The following SSPN variants were observed in gnomAD, a reference collection of about 807,000 sequenced individuals.
The protein encoded by SSPN is sarcospan.
SSPN carries 15 observed loss-of-function variants against 19.1 expected under a neutral mutation model. The observed-to-expected ratio is 0.78, with a 90% CI of 0.52 to 1.21. The LOEUF (loss-of-function observed/expected upper bound fraction) is 1.21. SSPN is among the 50% of genes most tolerant of loss of function. SSPN has a pLI of 0.00. For missense variants in SSPN, 291 were observed against 314.0 expected (o/e 0.93, Z 0.55); for synonymous variants, 147 against 140.3 (o/e 1.05, Z -0.34).
intron 1 of SSPN, chr12:26,125,166 G>C: frequency 2.8e-6 from 1 of 359,312 alleles, no homozygotes; most frequent in Non-Finnish European, 5.3e-6. Flanking sequence ...GGGAGAAGGC[G>C]GCGAGAGAAG....
chr12:26,215,196 T>C (rs1945034014), intron 1 of SSPN, among the ~76,000 whole-genome samples: 1 of 152,140 alleles, frequency 6.6e-6, no homozygotes, highest in Non-Finnish European at 1.5e-5. Flanking sequence ...ATACCTAGAT[T>C]AGGGTGGCCA....
At chr12:26,125,259 A>G (rs1944354380) in intron 1 of SSPN, 2 of 216,746 alleles carry the variant, frequency 9.2e-6, no homozygotes, top group Non-Finnish European at 1.8e-5. Flanking sequence ...TCATCTTCCC[A>G]AAGGCGATGC....
At chr12:26,131,843 G>A (rs996794665) in intron 1 of SSPN, among the ~76,000 whole-genome samples, 1 of 152,222 alleles carries the variant, frequency 6.6e-6, no homozygotes, top group African/African-American at 2.4e-5. Flanking sequence ...CAGGCTCAGA[G>A]ACCTTAGGTA....
At chr12:26,165,336 G>A (rs1479025830) in intron 1 of SSPN, among the ~76,000 whole-genome samples, 2 of 152,130 alleles carry the variant, frequency 1.3e-5, no homozygotes, top group Non-Finnish European at 2.9e-5. Flanking sequence ...CAGAACTTCT[G>A]GTAAAATCTA....
At chr12:26,222,744 T>C (rs1003363888) in intron 1 of SSPN, among the ~76,000 whole-genome samples, 1 of 152,240 alleles carries the variant, frequency 6.6e-6, no homozygotes, top group East Asian at 1.9e-4. Flanking sequence ...GTCTAGTTCA[T>C]GAAAAATAAA....
At chr12:26,122,704 C>T (rs761341197) in intron 1 of SSPN, 6 of 1,579,404 alleles carry the variant, frequency 3.8e-6, no homozygotes, top group East Asian at 2.4e-5. Context: ...GAGTCCTCCC[C>T]GGGAGGCTCC....
At chr12:26,184,137 G>GA (rs1944737626) in intron 1 of SSPN, among the ~76,000 whole-genome samples, 2 of 152,190 alleles carry the variant, frequency 1.3e-5, no homozygotes, top group South Asian at 4.1e-4. Flanking sequence ...GTGTGGGGTG[G>GA]AAAATGGAAC....
intron 1 of SSPN, chr12:26,211,390 T>G (rs1944984400): frequency 6.6e-6 from 1 of 152,212 alleles, no homozygotes; most frequent in Non-Finnish European, 1.5e-5. Flanking sequence ...TTCTTGGTTT[T>G]CTGTAAATTG....
chr12:26,138,495 A>G (rs1944441427), intron 1 of SSPN, among the ~76,000 whole-genome samples: 1 of 152,234 alleles, frequency 6.6e-6, no homozygotes, highest in African/African-American at 2.4e-5. Flanking sequence ...GAAATATTCT[A>G]TAATCTGGCC....
chr12:26,155,056 A>G (rs1944547756), intron 1 of SSPN, among the ~76,000 whole-genome samples: 3 of 152,348 alleles, frequency 2.0e-5, no homozygotes, highest in South Asian at 4.1e-4. Flanking sequence ...GAGGACATCT[A>G]TTCTTTATTG....
chr12:26,158,988 C>T (rs1944572043), intron 1 of SSPN, among the ~76,000 whole-genome samples: 1 of 152,356 alleles, frequency 6.6e-6, no homozygotes, highest in East Asian at 1.9e-4. Flanking sequence ...TAGGTTAGGC[C>T]ATGCTCTCCT....
intron 1 of SSPN, among the ~76,000 whole-genome samples, chr12:26,201,916 T>A (rs1944889100): frequency 6.6e-6 from 1 of 152,222 alleles, no homozygotes; most frequent in Admixed American, 6.5e-5. Flanking sequence ...AGCTTCTGTT[T>A]GAACATGCAT....
intron 1 of SSPN, among the ~76,000 whole-genome samples, chr12:26,147,607 G>A (rs1251311236): frequency 6.6e-6 from 1 of 152,134 alleles, no homozygotes; most frequent in Non-Finnish European, 1.5e-5. Context: ...AGGCATGGAG[G>A]TATTTTTTGA....
chr12:26,139,651 C>A (rs1436824454), intron 1 of SSPN, among the ~76,000 whole-genome samples: 3 of 152,100 alleles, frequency 2.0e-5, no homozygotes, highest in Non-Finnish European at 4.4e-5. Flanking sequence ...GATGTAATAA[C>A]TAATCTGAAA....
At chr12:26,166,338 C>G (rs571376250) in intron 1 of SSPN, among the ~76,000 whole-genome samples, 177 of 152,302 alleles carry the variant, frequency 1.2e-3, no homozygotes, top group Non-Finnish European at 2.8e-4. Context: ...TGCATAGTCC[C>G]TTAATAATTA....
At chr12:26,218,533 C>T (rs1945084786) in intron 1 of SSPN, among the ~76,000 whole-genome samples, 1 of 147,806 alleles carries the variant, frequency 6.8e-6, no homozygotes, top group African/African-American at 2.4e-5. Flanking sequence ...CACCCCAGAC[C>T]TATTGGATCA....
At chr12:26,190,486 G>A (rs1295466337), upstream of SSPN, among the ~76,000 whole-genome samples, 1 of 152,204 alleles carries the variant, frequency 6.6e-6, no homozygotes, top group Non-Finnish European at 1.5e-5. Context: ...AAGTCTTTCA[G>A]CTGAGAGTCG....
At chr12:26,186,919 CCTCT>C (rs996352150) in intron 1 of SSPN, among the ~76,000 whole-genome samples, 7 of 152,024 alleles carry the variant, frequency 4.6e-5, no homozygotes, top group Non-Finnish European at 7.4e-5. Flanking sequence ...TGTTATCAAG[CCTCT>C]CTCTCTCTTT....
intron 1 of SSPN, among the ~76,000 whole-genome samples, chr12:26,163,061 A>ATGTGTG: frequency 2.0e-5 from 1 of 50,338 alleles, no homozygotes; most frequent in East Asian, 5.2e-4. Flanking sequence ...GTGTGTGTGT[A>ATGTGTG]TGTGTGTGTG....
Sources: gnomAD v4.1 joint callset for allele counts (sites outside exome capture counted in the v4.1 genomes callset) on GRCh38, gnomAD v4.1.1 for gene constraint, MANE v1.5 for transcripts, NCBI Gene and HGNC (gene_info 2026-07-23, HGNC 2026-07-21) for gene names.